The following CHD9 variants were observed in gnomAD, a reference collection of about 807,000 sequenced individuals.
The protein encoded by CHD9 is ATP-dependent chromatin remodeler CHD9.
A neutral mutation model predicts 316.1 loss-of-function variants in CHD9; 77 were observed. That is an observed-to-expected ratio of 0.24 (90% confidence interval 0.20 to 0.29). CHD9 has a LOEUF of 0.29. Ranked by LOEUF, CHD9 falls within the 10% of genes least tolerant of loss-of-function variation. The pLI is 1.00. For synonymous variants in CHD9, 1,129 were observed against 1,158.3 expected, an observed-to-expected ratio of 0.97 and a Z score of 0.51; for missense variants, 2,763 against 3,438.1, an observed-to-expected ratio of 0.80 and a Z score of 4.91.
chr16:53,055,212 G>C (rs929865940), intron 1 of CHD9, 135 bp downstream of exon 1: 2 of 152,802 alleles, frequency 1.3e-5, no homozygotes, highest in Non-Finnish European at 2.9e-5. Flanking sequence ...TTGTAGCCGT[G>C]GGGGGGACCC....
At chr16:53,135,257 TGTG>T (rs1246633637) in intron 1 of CHD9, among the ~76,000 whole-genome samples, 2 of 152,138 alleles carry the variant, frequency 1.3e-5, no homozygotes, top group African/African-American at 2.4e-5. Flanking sequence ...TACAGGGCCT[TGTG>T]GGGCATATTA....
chr16:53,164,793 A>G (rs1244046878), intron 2 of CHD9, among the ~76,000 whole-genome samples: 1 of 151,894 alleles, frequency 6.6e-6, no homozygotes, highest in Non-Finnish European at 1.5e-5. Context: ...AGCTGGGATT[A>G]CAGTCATGCA....
At chr16:53,092,300 C>CTAGTTTT (rs1452947793) in intron 1 of CHD9, among the ~76,000 whole-genome samples, 2 of 152,050 alleles carry the variant, frequency 1.3e-5, no homozygotes, top group Non-Finnish European at 2.9e-5. Flanking sequence ...CCACCCATTT[C>CTAGTTTT]TAGTTTTTCA....
At position 53,155,956 on chromosome 16, in the gene CHD9, T is replaced by C; in HGVS notation, c.-134T>C. ...TGACACTTCATGACATGTCATTATTTAGAGCAATAATGAATATTGACCTGT... is the reference window on the plus strand; with the variant it reads ...TGACACTTCATGACATGTCATTATTCAGAGCAATAATGAATATTGACCTGT... On this transcript the variant is annotated 5_prime_UTR_variant, in exon 2 of 39. Coordinates refer to ENST00000447540, the MANE Select transcript of CHD9 (RefSeq NM_001308319.2). The C allele has an allele frequency of 2.6e-6, 2 of 763,564 alleles. No individual in the cohort carries two copies. Among genetic ancestry groups the C allele is most frequent in the Non-Finnish European group, 4.2e-6 (2 of 481,814 alleles). The allele number at this position is 763,564 out of a possible 1,614,324, so 47.3% of individuals were successfully genotyped here.
At chr16:53,183,778 A>ACAATACAATG (rs1326884461) in intron 2 of CHD9, among the ~76,000 whole-genome samples, 1 of 152,026 alleles carries the variant, frequency 6.6e-6, no homozygotes, top group Non-Finnish European at 1.5e-5. Context: ...ACAATACAAT[A>ACAATACAATG]CAATGCAATA....
At chr16:53,212,733 G>A (rs1567489915) in intron 3 of CHD9, among the ~76,000 whole-genome samples, 1 of 152,144 alleles carries the variant, frequency 6.6e-6, no homozygotes, top group Non-Finnish European at 1.5e-5. Context: ...TGCCTCTGGA[G>A]CCAGTTGCAT....
intron 2 of CHD9, among the ~76,000 whole-genome samples, chr16:53,191,856 G>C (rs1383029611): frequency 2.6e-5 from 4 of 152,060 alleles, no homozygotes; most frequent in African/African-American, 9.7e-5. Context: ...TTCAAAAGTG[G>C]TTGTACTCTT....
chr16:53,251,987 T>C (rs892469910), intron 17 of CHD9, among the ~76,000 whole-genome samples: 3 of 152,112 alleles, frequency 2.0e-5, no homozygotes, highest in Non-Finnish European at 4.4e-5. Context: ...AAAAGCAATC[T>C]ACAAATTCAA....
At chr16:53,109,028 G>T (rs969330694) in intron 1 of CHD9, among the ~76,000 whole-genome samples, 1 of 152,190 alleles carries the variant, frequency 6.6e-6, no homozygotes, top group African/African-American at 2.4e-5. Context: ...ACTGATCTTG[G>T]GATGTGCAGG....
chr16:53,058,794 C>T (rs1475498338), intron 1 of CHD9, among the ~76,000 whole-genome samples: 1 of 152,222 alleles, frequency 6.6e-6, no homozygotes, highest in Non-Finnish European at 1.5e-5. Flanking sequence ...CACCCTCCAA[C>T]TTAATCTAAT....
chr16:53,185,489 G>A (rs2043909697), intron 2 of CHD9, among the ~76,000 whole-genome samples: 1 of 152,128 alleles, frequency 6.6e-6, no homozygotes, highest in Admixed American at 6.5e-5. Flanking sequence ...ATTTTGGAAA[G>A]TTTGCAGCCT....
At position 53,267,358 on chromosome 16, in the gene CHD9, A is replaced by T. The variant is rs776168063; in HGVS notation, c.4385A>T (p.Asp1462Val). The stretch of plus-strand genomic sequence containing the variant: ...ACAAGACCTTTTAGTGCCACAAAAG[A>T]TGAATTGGCTGAATTATCTGAAGCT... The part of the protein sequence containing the change: ...KQTRPFSATK[D>V]ELAELSEAES... Residue 1462 changes from aspartate to valine, a missense_variant, in exon 21 of 39, where the codon GAT becomes GTT. This residue lies in a region of CHD9 where 199 missense variants were observed against 251.7 expected (regional missense o/e 0.79). Transcript: ENST00000447540. 6.2e-6 allele frequency: 10 copies of T among 1,612,750 alleles called. No homozygotes were observed. Among genetic ancestry groups the T allele is most frequent in the Non-Finnish European group, 8.5e-6 (10 of 1,179,220 alleles).
chr16:53,109,953 G>A, intron 1 of CHD9, among the ~76,000 whole-genome samples: 2 of 152,028 alleles, frequency 1.3e-5, no homozygotes. Flanking sequence ...CAAAGTGCTG[G>A]GATTACAGGC....
At chr16:53,167,274 A>G (rs1401793081) in intron 2 of CHD9, among the ~76,000 whole-genome samples, 2 of 152,210 alleles carry the variant, frequency 1.3e-5, no homozygotes, top group African/African-American at 4.8e-5. Flanking sequence ...TATAAATTGT[A>G]TATACATGTG....
intron 1 of CHD9, among the ~76,000 whole-genome samples, chr16:53,136,095 A>C (rs2039691938): frequency 6.6e-6 from 1 of 152,136 alleles, no homozygotes; most frequent in South Asian, 2.1e-4. Flanking sequence ...TAGAAGTTAT[A>C]GTTCAGTCAT....
At chr16:53,216,503 A>AAGGTATG (rs1298737047) in intron 3 of CHD9, among the ~76,000 whole-genome samples, 21 of 152,156 alleles carry the variant, frequency 1.4e-4, no homozygotes, top group African/African-American at 5.1e-4. Context: ...TAAAATCAAT[A>AAGGTATG]AGGTATGTTG....
intron 19 of CHD9, among the ~76,000 whole-genome samples, chr16:53,260,297 A>T (rs2050972186): frequency 6.6e-6 from 1 of 152,140 alleles, no homozygotes; most frequent in Admixed American, 6.6e-5. Context: ...TAGGCAACAA[A>T]GTGAAACTCC....
At chr16:53,292,789 C>T in intron 28 of CHD9, 44 bp from the exon 29 acceptor site, 1 of 1,477,252 alleles carries the variant, frequency 6.8e-7, no homozygotes, top group Non-Finnish European at 9.4e-7. Context: ...GAGCTTCATA[C>T]AGTATCTGTT....
intron 1 of CHD9, among the ~76,000 whole-genome samples, chr16:53,118,386 C>T (rs77658301): frequency 1.1e-4 from 16 of 152,266 alleles, no homozygotes; most frequent in African/African-American, 3.8e-4. Flanking sequence ...CGCTGCACTC[C>T]AGCCTGAGCA....
Sources: gnomAD v4.1 joint callset for allele counts (sites outside exome capture counted in the v4.1 genomes callset) on GRCh38, gnomAD v4.1.1 for gene constraint, gnomAD v4.1.1 regional missense constraint, MANE v1.5 for transcripts, NCBI Gene and HGNC (gene_info 2026-07-23, HGNC 2026-07-21) for gene names.